SYN3: variants seen among roughly 807,000 people sequenced by gnomAD.
SYN3 encodes the protein synapsin III.
Under a neutral mutation model 65.8 loss-of-function variants are expected in SYN3, and 35 were observed. The observed-to-expected ratio is 0.53, with a 90% CI of 0.41 to 0.70. The LOEUF is 0.70. Among genes scored for constraint, SYN3 ranks in the 30% least tolerant of loss-of-function variants. SYN3 has a pLI of 0.00. For missense variants in SYN3, 680 were observed against 749.0 expected (o/e 0.91, Z 1.08); for synonymous variants, 270 against 292.9 (o/e 0.92, Z 0.80).
At chr22:32,648,867 A>C (rs760425774) in intron 6 of SYN3, among the ~76,000 whole-genome samples, 10 of 152,212 alleles carry the variant, frequency 6.6e-5, no homozygotes, top group Non-Finnish European at 1.3e-4. Flanking sequence ...CACAACAGTC[A>C]TTGGCCACTC....
chr22:32,830,665 C>A (rs903102064), intron 6 of SYN3, among the ~76,000 whole-genome samples: 3 of 152,160 alleles, frequency 2.0e-5, no homozygotes, highest in Non-Finnish European at 4.4e-5. Context: ...GGGCCACCCC[C>A]CCGCCCCCGC....
intron 6 of SYN3, among the ~76,000 whole-genome samples, chr22:32,687,661 C>T (rs2060609067): frequency 6.6e-6 from 1 of 152,130 alleles, no homozygotes; most frequent in African/African-American, 2.4e-5. Flanking sequence ...CTCCCGCCTC[C>T]CTCTTGAGCT....
At chr22:32,879,802 C>T (rs889754406) in intron 4 of SYN3, among the ~76,000 whole-genome samples, 1 of 152,190 alleles carries the variant, frequency 6.6e-6, no homozygotes, top group African/African-American at 2.4e-5. Context: ...GGCTTCTCTT[C>T]TCAGAGTCCT....
intron 1 of SYN3, among the ~76,000 whole-genome samples, chr22:33,012,441 T>C (rs1028499852): frequency 7.9e-5 from 12 of 152,262 alleles, no homozygotes; most frequent in Admixed American, 7.2e-4. Flanking sequence ...CCTTGATGAA[T>C]GTTCCAGATG....
intron 6 of SYN3, among the ~76,000 whole-genome samples, chr22:32,817,010 G>A (rs1014689232): frequency 7.3e-5 from 11 of 151,108 alleles, no homozygotes; most frequent in Non-Finnish European, 1.6e-4. Context: ...TTGAGCCCAG[G>A]AATTGAAGAC....
At chr22:32,868,398 A>T (rs1232833178) in intron 5 of SYN3, among the ~76,000 whole-genome samples, 1 of 151,540 alleles carries the variant, frequency 6.6e-6, no homozygotes, top group African/African-American at 2.4e-5. Context: ...TGTAACATGT[A>T]TAATATATAA....
intron 6 of SYN3, among the ~76,000 whole-genome samples, chr22:32,636,411 A>G (rs981610606): frequency 1.3e-5 from 2 of 150,648 alleles, no homozygotes; most frequent in Non-Finnish European, 1.5e-5. Flanking sequence ...CAAAAAAAAA[A>G]AAAAAAAGAA....
At position 32,636,293 on chromosome 22, in the gene SYN3, T is replaced by A. The variant is rs150719241; in HGVS notation, c.712-39557A>T. Among the ~76,000 whole-genome samples, 452 of 151,578 alleles carry A rather than the reference T, an allele frequency of 3.0e-3. 2 individuals carry two copies. Among genetic ancestry groups the A allele is most frequent in the African/African-American group, 0.01 (423 of 41,300 alleles). On this transcript the variant is annotated intron_variant, in intron 6 of 13. Transcript: ENST00000358763. ...GGCCAGTGCCTGTAGTCCCAGCTAC[T>A]CTGGAAGCCGAGGCAGGAGAATGGC...
At chr22:32,611,273 GTTTTTTTTTTGTTT>G (rs890309492) in intron 6 of SYN3, among the ~76,000 whole-genome samples, 3 of 117,434 alleles carry the variant, frequency 2.6e-5, no homozygotes, top group South Asian at 3.1e-4. Flanking sequence ...TTCAGCTAGA[GTTTTTTTTTTGTTT>G]TTTTTTTTTT....
At chr22:32,937,332 C>T (rs1171826692) in intron 3 of SYN3, among the ~76,000 whole-genome samples, 9 of 152,024 alleles carry the variant, frequency 5.9e-5, no homozygotes, top group South Asian at 4.2e-4. Flanking sequence ...GAAAATGCAC[C>T]GCTAGGCTTA....
chr22:33,003,910 T>G (rs2053131711), intron 2 of SYN3, among the ~76,000 whole-genome samples: 1 of 152,126 alleles, frequency 6.6e-6, no homozygotes, highest in African/African-American at 2.4e-5. Flanking sequence ...CTGTGTGCAG[T>G]ATCAGGACTT....
chr22:33,033,810 T>G (rs1326428354), intron 1 of SYN3, among the ~76,000 whole-genome samples: 2 of 152,134 alleles, frequency 1.3e-5, no homozygotes, highest in Non-Finnish European at 2.9e-5. Flanking sequence ...GGGAACAGAC[T>G]TGTCCAGGGT....
rs1042910933 is a variant in SYN3, at chr22:32,512,592, C to T, written c.*1100G>A. The T allele has an allele frequency of 2.0e-5, 3 of 152,136 alleles. No individual in the cohort carries two copies. The highest frequency in any genetic ancestry group is 2.1e-4 in the South Asian group (1 of 4,834). 9.4% of individuals were successfully genotyped at this position (152,136 alleles called of 1,614,324 possible). A position where few individuals can be genotyped will look rare whatever the true frequency, so the allele number is the denominator to read the frequency against. On this transcript the variant is annotated 3_prime_UTR_variant, in exon 14 of 14. Coordinates refer to ENST00000358763, the MANE Select transcript of SYN3 (RefSeq NM_003490.4). ...GCTGATTTCTTTCCTGCAGGAATTC[C>T]GAAAGCCTTTGACATATATTATATA...
intron 6 of SYN3, chr22:32,783,362 A>C (rs1320829473): frequency 6.6e-6 from 1 of 152,196 alleles, no homozygotes; most frequent in African/African-American, 2.4e-5. Context: ...AGCCCCTGCT[A>C]AGTAATTCCT....
chr22:32,510,982 G>GGTGTGT lies in SYN3; in HGVS notation c.*2709_*2710insACACAC, dbSNP rs199663400. ...TTTGTCAATTCCAAGTTATTGTCCA[G>GGTGTGT]GCGTGTGTGTGTGTGTGTGTGTGTG... On this transcript the variant is annotated 3_prime_UTR_variant, in exon 14 of 14. Coordinates refer to ENST00000358763, the MANE Select transcript of SYN3 (RefSeq NM_003490.4). Among the ~76,000 whole-genome samples the GGTGTGT allele has an allele frequency of 0.012, 1,181 of 102,340 alleles. 14 individuals are homozygous for GGTGTGT. The highest frequency in any genetic ancestry group is 0.047 in the African/African-American group (1,079 of 22,988). The allele number at this position is 102,340 out of a possible 152,430, so 67.1% of individuals were successfully genotyped here. A position where few individuals can be genotyped will look rare whatever the true frequency, so the allele number is the denominator to read the frequency against.
chr22:33,045,106 G>C (rs2054036975), intron 1 of SYN3, among the ~76,000 whole-genome samples: 1 of 152,172 alleles, frequency 6.6e-6, no homozygotes, highest in Non-Finnish European at 1.5e-5. Context: ...GCCTCCCAAA[G>C]TGCTGGGATT....
intron 12 of SYN3, chr22:32,527,664 G>C (rs1285729867): frequency 2.5e-6 from 1 of 392,908 alleles, no homozygotes; most frequent in Non-Finnish European, 4.5e-6. Flanking sequence ...AAATAAAAGT[G>C]AGAAAATAGG....
intron 3 of SYN3, among the ~76,000 whole-genome samples, chr22:32,974,265 T>G (rs1243283900): frequency 1.3e-5 from 2 of 152,240 alleles, no homozygotes; most frequent in Non-Finnish European, 2.9e-5. Context: ...AACAGACCCA[T>G]GCCACTTATT....
intron 6 of SYN3, among the ~76,000 whole-genome samples, chr22:32,638,962 CT>C (rs898329644): frequency 1.4e-3 from 208 of 151,288 alleles, no homozygotes; most frequent in Non-Finnish European, 2.3e-3. Flanking sequence ...ACATTGAAAT[CT>C]TTTTTTTTGA....
Sources: gnomAD v4.1 joint callset for allele counts (sites outside exome capture counted in the v4.1 genomes callset) on GRCh38, gnomAD v4.1.1 for gene constraint, MANE v1.5 for transcripts, NCBI Gene and HGNC (gene_info 2026-07-23, HGNC 2026-07-21) for gene names.